The following USH2A variants were observed in gnomAD, a reference collection of about 807,000 sequenced individuals.
The protein encoded by USH2A is Usher syndrome 2A (autosomal recessive, mild).
A neutral mutation model predicts 538.9 loss-of-function variants in USH2A; 443 were observed. The ratio of observed to expected loss-of-function variants is 0.82; its 90% CI spans 0.76 to 0.89. The LOEUF (loss-of-function observed/expected upper bound fraction) is 0.89, where lower values mean the gene tolerates loss of function less well. Ranked by LOEUF, USH2A falls within the 40% of genes least tolerant of loss-of-function variation. The pLI, the probability that USH2A is intolerant of heterozygous loss-of-function variation, is 0.00. For synonymous variants in USH2A, 2,413 were observed against 2,273.5 expected, an observed-to-expected ratio of 1.06 and a Z score of -1.75; for missense variants, 6,633 against 6,324.8, an observed-to-expected ratio of 1.05 and a Z score of -1.65.
At chr1:216,239,421 T>C (rs1232824417) in intron 13 of USH2A, among the ~76,000 whole-genome samples, 1 of 151,990 alleles carries the variant, frequency 6.6e-6, no homozygotes, top group Non-Finnish European at 1.5e-5. Flanking sequence ...TCAGAAAATA[T>C]ATAGGGAGCA....
chr1:216,323,307 T>C (rs2102652666), intron 8 of USH2A, among the ~76,000 whole-genome samples, 167 bp downstream of exon 8: 1 of 146,520 alleles, frequency 6.8e-6, no homozygotes, highest in African/African-American at 2.5e-5. Context: ...TATATAACAA[T>C]GTTATATAGA....
chr1:215,771,663 A>G (rs1661293394), intron 55 of USH2A, among the ~76,000 whole-genome samples: 1 of 145,538 alleles, frequency 6.9e-6, no homozygotes, highest in Non-Finnish European at 1.5e-5. Context: ...TTCATTTTGA[A>G]TATTATTATG....
intron 3 of USH2A, among the ~76,000 whole-genome samples, chr1:216,415,468 A>G (rs1213948024): frequency 6.7e-6 from 1 of 149,930 alleles, no homozygotes; most frequent in Non-Finnish European, 1.5e-5. Context: ...CATAACCTAA[A>G]TCAGATTTCC....
At chr1:215,774,919 T>C (rs577520283) in intron 55 of USH2A, among the ~76,000 whole-genome samples, 2 of 151,736 alleles carry the variant, frequency 1.3e-5, no homozygotes, top group South Asian at 4.2e-4. Flanking sequence ...TTTTTTTTTT[T>C]ACTTTTTTGG....
chr1:216,333,070 A>C (rs544317989), intron 4 of USH2A, among the ~76,000 whole-genome samples: 1 of 152,116 alleles, frequency 6.6e-6, no homozygotes, highest in Non-Finnish European at 1.5e-5. Context: ...AACTAAAAAC[A>C]AAACAAAACA....
Position 215,673,953 on chromosome 1 carries a change from T to G in USH2A, c.13811+147A>C, listed in dbSNP as rs899950622. On this transcript the variant is annotated intron_variant, in intron 63 of 71. Transcript: ENST00000307340. Reference sequence around the variant, plus strand: ...AGGCTTTGCTTGGGTGAGGATGTGCTTTGTCTACTATGCACGTTTAGGTGG... The same window carrying G: ...AGGCTTTGCTTGGGTGAGGATGTGCGTTGTCTACTATGCACGTTTAGGTGG... 8.1e-5 allele frequency: 112 copies of G among 1,389,788 alleles called. No homozygotes were observed. In the African/African-American group the frequency reaches 1.5e-3, roughly 19 times the overall value. 86.1% of individuals were successfully genotyped at this position (1,389,788 alleles called of 1,614,324 possible). A position where few individuals can be genotyped will look rare whatever the true frequency, so the allele number is the denominator to read the frequency against.
At chr1:216,326,982 G>A (rs1028611734) in intron 5 of USH2A, among the ~76,000 whole-genome samples, 2 of 152,046 alleles carry the variant, frequency 1.3e-5, no homozygotes, top group African/African-American at 4.8e-5. Context: ...TTAAAATTCT[G>A]TGTGCTTTTA....
intron 11 of USH2A, among the ~76,000 whole-genome samples, chr1:216,274,621 C>T (rs1179871768): frequency 6.6e-6 from 1 of 152,112 alleles, no homozygotes; most frequent in Non-Finnish European, 1.5e-5. Flanking sequence ...GGTTCTGCCA[C>T]ATATAAATGT....
intron 34 of USH2A, among the ~76,000 whole-genome samples, chr1:215,994,145 G>C (rs750975002): frequency 5.2e-4 from 79 of 152,006 alleles, no homozygotes; most frequent in Non-Finnish European, 1.0e-3. Flanking sequence ...CTTTCAAAAG[G>C]CACTAAATTT....
At chr1:215,789,198 C>T (rs1179038854) in intron 51 of USH2A, among the ~76,000 whole-genome samples, 2 of 152,214 alleles carry the variant, frequency 1.3e-5, no homozygotes, top group African/African-American at 4.8e-5. Flanking sequence ...ATTTAACCAA[C>T]CTTATGTGTT....
chr1:216,272,315 A>C (rs1399041894), intron 11 of USH2A, among the ~76,000 whole-genome samples: 1 of 152,120 alleles, frequency 6.6e-6, no homozygotes, highest in Non-Finnish European at 1.5e-5. Flanking sequence ...ATGTGCAACG[A>C]CATTGATGTC....
intron 2 of USH2A, among the ~76,000 whole-genome samples, chr1:216,421,175 C>A (rs780138567): frequency 6.6e-6 from 1 of 152,042 alleles, no homozygotes; most frequent in Non-Finnish European, 1.5e-5. Context: ...AGTAATAAGA[C>A]CCAGACTCAT....
intron 21 of USH2A, chr1:216,173,994 CA>C (rs1356427122): frequency 1.0e-6 from 1 of 984,742 alleles, no homozygotes; most frequent in Non-Finnish European, 1.2e-6. Context: ...ATTTTTAGCT[CA>C]ATGGTTCAAT....
chr1:216,229,609 C>T (rs2035636857), intron 14 of USH2A, among the ~76,000 whole-genome samples: 1 of 152,168 alleles, frequency 6.6e-6, no homozygotes. Context: ...GCCATAGTGC[C>T]TAGACTGAAT....
At chr1:216,398,805 C>A (rs1046936012) in intron 3 of USH2A, among the ~76,000 whole-genome samples, 1 of 152,192 alleles carries the variant, frequency 6.6e-6, no homozygotes, top group Non-Finnish European at 1.5e-5. Flanking sequence ...GAGAGCTGAT[C>A]TTCCATTCTC....
Position 216,033,440 on chromosome 1 carries a change from CAA to C in USH2A, c.6325+12989_6325+12990del, listed in dbSNP as rs572455702. On this transcript the variant is annotated intron_variant, in intron 32 of 71. Transcript: ENST00000307340. ...TTCCAGTCAGAGTGAACAGAAAGTT[CAA>C]AAGTCTGCATGTAGGAAAAGGCATG... 1.2e-3 allele frequency among the ~76,000 whole-genome samples: 190 copies of C among 152,074 alleles called. 1 individual carries two copies. The highest frequency in any genetic ancestry group is 4.5e-3 in the African/African-American group (185 of 41,464).
intron 37 of USH2A, among the ~76,000 whole-genome samples, chr1:215,957,285 C>T (rs1667092332): frequency 6.6e-6 from 1 of 152,122 alleles, no homozygotes; most frequent in Non-Finnish European, 1.5e-5. Context: ...TTAGAAACAA[C>T]ATCTGAAATG....
chr1:215,688,047 A>G (rs1301975351), intron 61 of USH2A, among the ~76,000 whole-genome samples: 1 of 151,992 alleles, frequency 6.6e-6, no homozygotes, highest in African/African-American at 2.4e-5. Flanking sequence ...GTGGTGCACT[A>G]ATTAGTGTTT....
At chr1:216,249,855 T>C (rs1461802634) in intron 12 of USH2A, among the ~76,000 whole-genome samples, 1 of 152,054 alleles carries the variant, frequency 6.6e-6, no homozygotes, top group Admixed American at 6.6e-5. Context: ...CATGTGTACA[T>C]GTAAGCATTC....
Sources: gnomAD v4.1 joint callset for allele counts (sites outside exome capture counted in the v4.1 genomes callset) on GRCh38, gnomAD v4.1.1 for gene constraint, MANE v1.5 for transcripts, NCBI Gene and HGNC (gene_info 2026-07-23, HGNC 2026-07-21) for gene names.